The following MYH11 variants were observed in gnomAD, a reference collection of about 807,000 sequenced individuals.
MYH11 encodes the protein myosin heavy chain 11.
MYH11 carries 80 observed loss-of-function variants against 246.6 expected under a neutral mutation model. The ratio of observed to expected loss-of-function variants is 0.32; its 90% CI spans 0.27 to 0.39. The LOEUF is 0.39. MYH11 is among the 10% of genes least tolerant of loss of function. The pLI is 1.00. For synonymous variants in MYH11, 1,071 were observed against 1,015.5 expected, an observed-to-expected ratio of 1.05 and a Z score of -1.04; for missense variants, 2,158 against 2,546.8, an observed-to-expected ratio of 0.85 and a Z score of 3.29.
At chr16:15,825,386 C>CAAAAAA (rs1212947132) in intron 2 of MYH11, among the ~76,000 whole-genome samples, 2 of 60,992 alleles carry the variant, frequency 3.3e-5, no homozygotes, top group Admixed American at 1.9e-4. Flanking sequence ...CCCCTCTCTA[C>CAAAAAA]AAAAAAAAAA....
At chr16:15,769,664 T>C (rs993791371) in intron 9 of MYH11, among the ~76,000 whole-genome samples, 1 of 152,246 alleles carries the variant, frequency 6.6e-6, no homozygotes, top group African/African-American at 2.4e-5. Context: ...CAAGCTCAAG[T>C]GATCTGCCTG....
At chr16:15,801,880 C>G (rs1257076131) in intron 3 of MYH11, among the ~76,000 whole-genome samples, 1 of 151,974 alleles carries the variant, frequency 6.6e-6, no homozygotes, top group Non-Finnish European at 1.5e-5. Flanking sequence ...TCACTTCAAC[C>G]CAGGAGGTGG....
At chr16:15,775,567 C>A (rs1163081811) in intron 8 of MYH11, among the ~76,000 whole-genome samples, 3 of 152,218 alleles carry the variant, frequency 2.0e-5, no homozygotes, top group African/African-American at 7.2e-5. Context: ...ACCTGGCCTG[C>A]AAAGCCTGAA....
chr16:15,798,169 G>C (rs2042788250), intron 4 of MYH11, among the ~76,000 whole-genome samples: 1 of 152,140 alleles, frequency 6.6e-6, no homozygotes, highest in African/African-American at 2.4e-5. Flanking sequence ...TTCTAAAATT[G>C]AGTTACTATC....
intron 20 of MYH11, among the ~76,000 whole-genome samples, chr16:15,742,748 T>A (rs982206071): frequency 9.9e-5 from 15 of 152,194 alleles, no homozygotes; most frequent in South Asian, 4.2e-4. Flanking sequence ...AAAATTTTTT[T>A]AAAAATTATA....
chr16:15,803,030 G>A (rs776802598), intron 3 of MYH11, among the ~76,000 whole-genome samples: 9 of 151,704 alleles, frequency 5.9e-5, no homozygotes, highest in African/African-American at 1.9e-4. Context: ...CCAGCTACTC[G>A]GGAGGCTAAG....
rs548167830 is a variant in MYH11 at position 15,803,072 on chromosome 16, G to A, written c.503-4385C>T. ...GAATCACTTGAACCCAGGAGGTGGA[G>A]GTTGCAGTGAGTTGAGATTTTGCCA... On this transcript the variant is annotated intron_variant, in intron 3 of 40. Coordinates refer to ENST00000300036, the MANE Select transcript of MYH11 (RefSeq NM_002474.3). Among the ~76,000 whole-genome samples, 54 of 151,956 alleles carry A rather than the reference G, an allele frequency of 3.6e-4. 1 individual carries two copies. The highest frequency in any genetic ancestry group is 5.4e-4 in the Non-Finnish European group (37 of 67,986).
At chr16:15,710,360 A>G (rs550185840) in intron 40 of MYH11, among the ~76,000 whole-genome samples, 1 of 152,220 alleles carries the variant, frequency 6.6e-6, no homozygotes, top group South Asian at 2.1e-4. Flanking sequence ...GCCACTACTA[A>G]AAATACAAAA....
intron 11 of MYH11, 89 bp from the exon 12 acceptor site, chr16:15,759,817 G>T: frequency 6.6e-7 from 1 of 1,519,496 alleles, no homozygotes; most frequent in Non-Finnish European, 9.0e-7. Context: ...TTTATTCTTG[G>T]CCGGGTGCAG....
chr16:15,775,924 T>G, intron 8 of MYH11, 154 bp downstream of exon 8: 1 of 713,998 alleles, frequency 1.4e-6, no homozygotes, highest in East Asian at 2.5e-5. Context: ...ACTCACTCAT[T>G]GGGAGGAGAT....
chr16:15,782,007 G>C (rs1316935607), intron 6 of MYH11, among the ~76,000 whole-genome samples: 1 of 152,018 alleles, frequency 6.6e-6, no homozygotes. Context: ...TCGGATATAA[G>C]GGTCTAGCCC....
chr16:15,753,154 G>A (rs2041617983), intron 15 of MYH11, among the ~76,000 whole-genome samples: 1 of 152,028 alleles, frequency 6.6e-6, no homozygotes, highest in South Asian at 2.1e-4. Context: ...CTCCTCTATT[G>A]CCTGAGCCCT....
intron 15 of MYH11, among the ~76,000 whole-genome samples, chr16:15,751,940 C>T (rs1166124842): frequency 6.6e-6 from 1 of 151,752 alleles, no homozygotes. Context: ...CTGGGATTAC[C>T]ACCACCACGC....
Position 15,724,302 on chromosome 16 carries a change from G to C in MYH11, c.4224C>G (p.Tyr1408Ter). 6.2e-7 allele frequency: 1 copy of C among 1,614,130 alleles called. No individual in the cohort carries two copies. The highest frequency in any genetic ancestry group is 8.5e-7 in the Non-Finnish European group (1 of 1,180,020). Residue 1408 changes from tyrosine to a stop codon, truncating the protein, a stop_gained, in exon 31 of 41, where the codon TAC (tyrosine) becomes TAG (stop). Coordinates refer to ENST00000300036, the MANE Select transcript of MYH11 (RefSeq NM_002474.3). LOFTEE classifies it high-confidence loss of function. ...QKEIENLTQQ[Y>*]EEKAAAYDKL... ...TATCATAAGCGGCCGCCTTCTCCTC[G>C]TACTGCTGGGTGAGGTTCTCGATCT... is the stretch of plus-strand genomic sequence containing the variant.
intron 31 of MYH11, among the ~76,000 whole-genome samples, chr16:15,722,184 G>A (rs1451972604): frequency 1.3e-5 from 2 of 152,126 alleles, no homozygotes; most frequent in African/African-American, 4.8e-5. Context: ...GAAACCACTA[G>A]ACCTGCCCAC....
intron 24 of MYH11, 118 bp downstream of exon 24, chr16:15,738,447 G>A (rs907814088): frequency 1.0e-4 from 100 of 954,300 alleles, no homozygotes; most frequent in African/African-American, 1.3e-4. Context: ...TAGGAGTTTC[G>A]GGCTGCAGTG....
In MYH11 at chr16:15,756,389, C is replaced by G. The variant is rs1415327075; in HGVS notation, c.1701G>C (p.Lys567Asn). Reference sequence around the variant, plus strand: ...AGAACTCAGTCTTGTCCTTGAGCTGCTTGGGCTTCTGGAACTTGGGGTGGC... The same window carrying G: ...AGAACTCAGTCTTGTCCTTGAGCTGGTTGGGCTTCTGGAACTTGGGGTGGC... ...QGSHPKFQKP[K>N]QLKDKTEFSI... Residue 567 changes from lysine (K) to asparagine (N), a missense_variant, in exon 14 of 41, where the codon AAG becomes AAC. Lys to Asn is a moderately conservative substitution (Grantham distance 94, BLOSUM62 0). Around this residue, in one of 11 missense-constraint regions of MYH11, gnomAD observed 317 missense variants for 507.7 expected, o/e 0.62. Coordinates refer to ENST00000300036, the MANE Select transcript of MYH11 (RefSeq NM_002474.3). 1 of 1,614,042 alleles carries G rather than the reference C, an allele frequency of 6.2e-7. No homozygotes were observed. Among genetic ancestry groups the G allele is most frequent in the Non-Finnish European group, 8.5e-7 (1 of 1,180,044 alleles).
intron 4 of MYH11, among the ~76,000 whole-genome samples, chr16:15,788,901 T>C (rs148504278): frequency 2.6e-5 from 4 of 151,220 alleles, no homozygotes; most frequent in South Asian, 2.1e-4. Flanking sequence ...TAGCAGCTAC[T>C]CAGGAGGCTG....
At chr16:15,732,203 T>G (rs1471135583) in intron 27 of MYH11, among the ~76,000 whole-genome samples, 1 of 152,102 alleles carries the variant, frequency 6.6e-6, no homozygotes, top group Non-Finnish European at 1.5e-5. Context: ...CCTCAGGTGA[T>G]CCACCCAGTT....
Sources: gnomAD v4.1 joint callset for allele counts (sites outside exome capture counted in the v4.1 genomes callset) on GRCh38, gnomAD v4.1.1 for gene constraint, gnomAD v4.1.1 regional missense constraint, MANE v1.5 for transcripts, NCBI Gene and HGNC (gene_info 2026-07-23, HGNC 2026-07-21) for gene names.